ENOX2: variants seen among roughly 807,000 people sequenced by gnomAD.
ENOX2 encodes APK1 antigen.
A neutral mutation model predicts 45.0 loss-of-function variants in ENOX2; 36 were observed. That is an observed-to-expected ratio of 0.80 (90% CI 0.61 to 1.06). The LOEUF (loss-of-function observed/expected upper bound fraction) is 1.06. ENOX2 is among the 50% of genes least tolerant of loss of function. The probability of loss-of-function intolerance (pLI) is 0.00; values close to 1 mark genes in which losing one functional copy is unlikely to be tolerated. For synonymous variants in ENOX2, 174 were observed against 152.3 expected, an observed-to-expected ratio of 1.14 and a Z score of -1.05; for missense variants, 423 against 462.5, an observed-to-expected ratio of 0.91 and a Z score of 0.78.
In ENOX2 at chrX:130,623,923, A is replaced by G. The variant is rs1399760461; in HGVS notation, c.*1391T>C. ...AACTGAGGTATAAAAAGGAATATTTATCTTTTAAAAATACAACTTTGAACA... is the reference window on the plus strand; with the variant it reads ...AACTGAGGTATAAAAAGGAATATTTGTCTTTTAAAAATACAACTTTGAACA... On this transcript the variant is annotated 3_prime_UTR_variant, in exon 15 of 15. Transcript: ENST00000394363. 1.8e-5 allele frequency: 2 copies of G among 112,401 alleles called. No individual in the cohort carries two copies. Among genetic ancestry groups the G allele is most frequent in the Non-Finnish European group, 3.8e-5 (2 of 53,324 alleles). 9.3% of individuals were successfully genotyped at this position (112,401 alleles called of 1,213,427 possible).
intron 5 of ENOX2, among the ~76,000 whole-genome samples, chrX:130,682,583 C>CAAAAAAAAAAAAAAAAAA (rs55875735): frequency 6.8e-5 from 1 of 14,657 alleles, no homozygotes; most frequent in African/African-American, 2.0e-4. Flanking sequence ...GACTCCGTCT[C>CAAAAAAAAAAAAAAAAAA]AAAAAAAAAA....
intron 3 of ENOX2, among the ~76,000 whole-genome samples, chrX:130,708,564 C>A (rs999564261): frequency 2.7e-5 from 3 of 112,184 alleles, no homozygotes; most frequent in Non-Finnish European, 5.6e-5. Flanking sequence ...GCTATCATAG[C>A]CCTTACTACA....
chrX:130,840,366 T>G (rs902608959), intron 2 of ENOX2, among the ~76,000 whole-genome samples: 9 of 109,896 alleles, frequency 8.2e-5, no homozygotes, highest in Non-Finnish European at 1.3e-4. Flanking sequence ...CTGTTGAAAT[T>G]AAAATGCATT....
At chrX:130,733,210 A>T (rs1185596409) in intron 3 of ENOX2, among the ~76,000 whole-genome samples, 1 of 112,396 alleles carries the variant, frequency 8.9e-6, no homozygotes, top group Non-Finnish European at 1.9e-5. Flanking sequence ...AAAACAAGTT[A>T]AGGACTTGAA....
rs140033454 is a variant in ENOX2 at position 130,697,601 on chromosome X, T to C, written c.97+5519A>G. Among the ~76,000 whole-genome samples the C allele has an allele frequency of 1.8e-4, 20 of 112,023 alleles. No homozygotes were observed. The East Asian group carries it at 4.7e-3, about 27-fold the overall frequency. ...AGAGAATGGGAAAGTTCTAAAAGTA[T>C]TGGAGTCACTATGAGGGTAGGAAAC... On this transcript the variant is annotated intron_variant, in intron 4 of 14. Coordinates refer to ENST00000394363, the MANE Select transcript of ENOX2 (RefSeq NM_006375.4).
intron 2 of ENOX2, among the ~76,000 whole-genome samples, chrX:130,858,175 C>T (rs1391127408): frequency 5.9e-5 from 6 of 102,451 alleles, no homozygotes; most frequent in African/African-American, 1.8e-4. Context: ...AGTGCAATGG[C>T]GCAATTTCGG....
intron 2 of ENOX2, among the ~76,000 whole-genome samples, chrX:130,808,076 TA>T (rs760500313): frequency 8.9e-5 from 10 of 112,207 alleles, no homozygotes; most frequent in Non-Finnish European, 3.8e-5. Flanking sequence ...ACTGATCAAA[TA>T]AACCTTGGAT....
chrX:130,730,041 C>T (rs1346941110), intron 3 of ENOX2, among the ~76,000 whole-genome samples: 1 of 112,093 alleles, frequency 8.9e-6, no homozygotes, highest in African/African-American at 3.2e-5. Flanking sequence ...TTCAGAAAAT[C>T]GGTCCAACTA....
At chrX:130,674,614 CT>C (rs1013227076) in intron 6 of ENOX2, among the ~76,000 whole-genome samples, 9 of 111,708 alleles carry the variant, frequency 8.1e-5, no homozygotes, top group African/African-American at 2.9e-4. Flanking sequence ...CAATAAATAT[CT>C]TTTTTTATTA....
intron 3 of ENOX2, among the ~76,000 whole-genome samples, chrX:130,705,759 G>A (rs5977353): frequency 2.0e-3 from 220 of 111,608 alleles, no homozygotes; most frequent in African/African-American, 6.9e-3. Context: ...TGCACCCTGG[G>A]GTGGAGCCTT....
chrX:130,775,041 G>A (rs754829985), intron 3 of ENOX2, among the ~76,000 whole-genome samples: 16 of 112,243 alleles, frequency 1.4e-4, no homozygotes, highest in Non-Finnish European at 2.4e-4. Flanking sequence ...GGGACACAGA[G>A]TACCATAAAA....
intron 13 of ENOX2, among the ~76,000 whole-genome samples, chrX:130,628,652 G>T (rs2035613226): frequency 2.7e-5 from 3 of 112,007 alleles, no homozygotes; most frequent in African/African-American, 6.5e-5. Flanking sequence ...TTTCATTCAC[G>T]GCTAACTCAA....
intron 9 of ENOX2, among the ~76,000 whole-genome samples, chrX:130,658,127 C>G (rs1278880582): frequency 8.9e-6 from 1 of 111,983 alleles, no homozygotes; most frequent in Non-Finnish European, 1.9e-5. Context: ...GATTTCCTAT[C>G]TTTTCATTCA....
intron 5 of ENOX2, among the ~76,000 whole-genome samples, chrX:130,686,685 G>C (rs1171371652): frequency 9.0e-6 from 1 of 111,600 alleles, no homozygotes; most frequent in Non-Finnish European, 1.9e-5. Context: ...GCAATGTCTT[G>C]GGGCCACCAA....
intron 3 of ENOX2, among the ~76,000 whole-genome samples, chrX:130,712,368 C>T (rs1374886181): frequency 2.7e-5 from 3 of 111,362 alleles, no homozygotes; most frequent in African/African-American, 3.3e-5. Context: ...TCATAGCCAG[C>T]GCCAGGAAAA....
At chrX:130,794,847 C>A (rs192309041) in intron 2 of ENOX2, among the ~76,000 whole-genome samples, 365 of 112,450 alleles carry the variant, frequency 3.2e-3, no homozygotes, top group African/African-American at 0.011. Flanking sequence ...ATTCAGCCTT[C>A]ATTAACTATT....
At chrX:130,760,340 T>C (rs746817067) in intron 3 of ENOX2, among the ~76,000 whole-genome samples, 68 of 111,907 alleles carry the variant, frequency 6.1e-4, no homozygotes, top group Non-Finnish European at 9.4e-4. Flanking sequence ...AAGCCTTTTA[T>C]TTCTTCTTCC....
At chrX:130,683,111 T>C (rs996413395) in intron 5 of ENOX2, among the ~76,000 whole-genome samples, 3 of 112,185 alleles carry the variant, frequency 2.7e-5, no homozygotes, top group African/African-American at 9.7e-5. Flanking sequence ...GAGGAGCTTT[T>C]AGCAATTCTA....
At chrX:130,876,095 G>A (rs1046969910) in intron 2 of ENOX2, among the ~76,000 whole-genome samples, 10 of 111,343 alleles carry the variant, frequency 9.0e-5, no homozygotes, top group South Asian at 7.6e-4. Flanking sequence ...AGGTATATAC[G>A]CCTAGGTATA....
Sources: gnomAD v4.1 joint callset for allele counts (sites outside exome capture counted in the v4.1 genomes callset) on GRCh38, gnomAD v4.1.1 for gene constraint, MANE v1.5 for transcripts, NCBI Gene and HGNC (gene_info 2026-07-23, HGNC 2026-07-21) for gene names.